Variants in DYNC2H1 observed in about 807,000 individuals in gnomAD.
DYNC2H1 encodes dynein cytoplasmic 2 heavy chain 1, also known as cytoplasmic dynein 2 heavy chain 1.
DYNC2H1 carries 410 observed loss-of-function variants against 570.0 expected under a neutral mutation model. The ratio of observed to expected loss-of-function variants is 0.72; its 90% CI spans 0.66 to 0.78. The LOEUF is 0.78. Among genes scored for constraint, DYNC2H1 ranks in the 30% least tolerant of loss-of-function variants. The pLI, the probability that DYNC2H1 is intolerant of heterozygous loss-of-function variation, is 0.00. For synonymous variants in DYNC2H1, 1,688 were observed against 1,677.6 expected (o/e 1.01, Z -0.15); for missense variants, 4,865 against 5,046.4 (o/e 0.96, Z 1.09).
At chr11:103,232,311 G>T (rs1333250839) in intron 60 of DYNC2H1, among the ~76,000 whole-genome samples, 1 of 151,772 alleles carries the variant, frequency 6.6e-6, no homozygotes, top group African/African-American at 2.4e-5. Flanking sequence ...GATTAGGAAG[G>T]TTAAAATTAT....
chr11:103,462,634 G>A (rs1945056211), intron 87 of DYNC2H1, among the ~76,000 whole-genome samples: 1 of 151,980 alleles, frequency 6.6e-6, no homozygotes, highest in African/African-American at 2.4e-5. Flanking sequence ...TACATTTTTT[G>A]TTGAAAATAA....
At chr11:103,443,945 A>T (rs1426961936) in intron 85 of DYNC2H1, among the ~76,000 whole-genome samples, 1 of 151,784 alleles carries the variant, frequency 6.6e-6, no homozygotes. Flanking sequence ...TTTCCACATA[A>T]CTCTTCCTCT....
Position 103,228,896 on chromosome 11 carries a change from TG to T in DYNC2H1, c.9354-2360del, listed in dbSNP as rs1334947871. 3.3e-5 allele frequency among the ~76,000 whole-genome samples: 5 copies of T among 152,024 alleles called. No individual in the cohort carries two copies. Among genetic ancestry groups the T allele is most frequent in the African/African-American group, 7.2e-5 (3 of 41,402 alleles). Reference sequence around the variant, plus strand: ...TATCTGAGCTCAGCCTCTCCTTTGGTGGGGCTTGTTGTGGCTGCTGTGGGGG... The same window carrying T: ...TATCTGAGCTCAGCCTCTCCTTTGGTGGGCTTGTTGTGGCTGCTGTGGGGG... On this transcript the variant is annotated intron_variant, in intron 59 of 88. Coordinates refer to ENST00000375735, the MANE Select transcript of DYNC2H1 (RefSeq NM_001377.3). This position sits in a 1 kb window ranked among gnomAD's most constrained non-coding sequence, Gnocchi z 6.1.
At position 103,121,418 on chromosome 11, in the gene DYNC2H1, T is replaced by G; in HGVS notation, c.1407T>G (p.Asp469Glu). The G allele has an allele frequency of 1.9e-6, 3 of 1,613,250 alleles. 1 individual carries two copies. In the South Asian group the frequency reaches 3.3e-5, roughly 18 times the overall value. Residue 469 changes from aspartate (D) to glutamate (E), a missense_variant, in exon 10 of 89, where the codon GAT becomes GAG. Physicochemically the swap from Asp to Glu is conservative, Grantham distance 45. Coordinates refer to ENST00000375735, the MANE Select transcript of DYNC2H1 (RefSeq NM_001377.3). ...ATCGGTGCCGAGGAATTCCTGGTGA[T>G]GCATCTGGACCACTTTCTGGCAAAA... ...FENRCRGIPG[D>E]ASGPLSGKNL...
intron 85 of DYNC2H1, among the ~76,000 whole-genome samples, chr11:103,453,530 A>AT (rs1944679363): frequency 6.6e-6 from 1 of 151,224 alleles, no homozygotes; most frequent in Non-Finnish European, 1.5e-5. Flanking sequence ...GATTAATAAC[A>AT]TTTTTACTAA....
intron 78 of DYNC2H1, among the ~76,000 whole-genome samples, chr11:103,308,325 A>G (rs1867401440): frequency 6.6e-6 from 1 of 152,188 alleles, no homozygotes; most frequent in Non-Finnish European, 1.5e-5. Context: ...ATGTTTTAGC[A>G]TGTGGCAGGA....
At chr11:103,310,114 T>C (rs1867507495) in intron 78 of DYNC2H1, among the ~76,000 whole-genome samples, 2 of 152,128 alleles carry the variant, frequency 1.3e-5, no homozygotes, top group Non-Finnish European at 2.9e-5. Context: ...CATTATTTTT[T>C]TCCTTTTTCG....
chr11:103,375,385 T>A (rs909709559), intron 83 of DYNC2H1, among the ~76,000 whole-genome samples: 4 of 152,054 alleles, frequency 2.6e-5, no homozygotes, highest in East Asian at 1.9e-4. Flanking sequence ...CACTGCCTAG[T>A]GGAGCTGTGA....
intron 84 of DYNC2H1, among the ~76,000 whole-genome samples, chr11:103,428,626 A>C (rs1177310153): frequency 6.6e-6 from 1 of 152,102 alleles, no homozygotes; most frequent in Non-Finnish European, 1.5e-5. Flanking sequence ...GTCCTATTAA[A>C]CAACAGCTCC....
intron 65 of DYNC2H1, among the ~76,000 whole-genome samples, chr11:103,251,947 G>T (rs1353910437): frequency 1.3e-5 from 2 of 151,730 alleles, no homozygotes; most frequent in South Asian, 2.1e-4. Flanking sequence ...TTAGAACAGG[G>T]TCTGACTCTG....
chr11:103,209,902 A>T lies in DYNC2H1; in HGVS notation c.8481A>T (p.Thr2827=). The T allele has an allele frequency of 1.9e-5, 29 of 1,495,544 alleles. No homozygotes were observed. Among genetic ancestry groups the T allele is most frequent in the Non-Finnish European group, 2.5e-5 (28 of 1,118,660 alleles). 92.6% of individuals were successfully genotyped at this position (1,495,544 alleles called of 1,614,324 possible). A position where few individuals can be genotyped will look rare whatever the true frequency, so the allele number is the denominator to read the frequency against. Residue 2827 remains threonine (T), a synonymous_variant, in exon 53 of 89, where the codon ACA becomes ACT. Coordinates refer to ENST00000375735, the MANE Select transcript of DYNC2H1 (RefSeq NM_001377.3). This position sits in a 1 kb window ranked among gnomAD's most constrained non-coding sequence, Gnocchi z 4.2. ...KKIPEMLFSE[T]GGGEKYNDKK... is the part of the protein sequence containing the mutation. ...TACCTGAAATGTTATTCAGTGAAAC[A>T]GGTGGTGGAGAAAAATACAATGATA...
rs959418361 is a variant in DYNC2H1 at position 103,223,989 on chromosome 11, G to A, written c.9353+903G>A. Among the ~76,000 whole-genome samples, 6 of 150,708 alleles carry A rather than the reference G, an allele frequency of 4.0e-5. No homozygotes were observed. In the East Asian group the frequency reaches 9.9e-4, roughly 25 times the overall value. Reference sequence around the variant, plus strand: ...TCTCGATCTCCTGACCTAGTGATCCGCCCACCTCCGCCTCCCAAAGTGCTG... The same window carrying A: ...TCTCGATCTCCTGACCTAGTGATCCACCCACCTCCGCCTCCCAAAGTGCTG... On this transcript the variant is annotated intron_variant, in intron 59 of 88. Coordinates refer to ENST00000375735, the MANE Select transcript of DYNC2H1 (RefSeq NM_001377.3).
intron 83 of DYNC2H1, among the ~76,000 whole-genome samples, chr11:103,387,107 A>G (rs954486913): frequency 1.1e-4 from 17 of 152,308 alleles, no homozygotes; most frequent in Admixed American, 3.9e-4. Flanking sequence ...ACTAGTTTAC[A>G]GTCCCACCAA....
chr11:103,267,801 C>A (rs970660127), intron 70 of DYNC2H1, among the ~76,000 whole-genome samples: 6 of 151,868 alleles, frequency 4.0e-5, no homozygotes, highest in Non-Finnish European at 8.8e-5. Context: ...TCTTTATATT[C>A]ATAAGTACAA....
chr11:103,313,682 C>T (rs1012527355), intron 79 of DYNC2H1, among the ~76,000 whole-genome samples: 4 of 152,084 alleles, frequency 2.6e-5, no homozygotes, highest in South Asian at 2.1e-4. Context: ...AACTGTAGAA[C>T]GAGAGTAACA....
chr11:103,141,491 A>G (rs886546248), intron 17 of DYNC2H1, among the ~76,000 whole-genome samples: 2 of 152,190 alleles, frequency 1.3e-5, no homozygotes, highest in African/African-American at 2.4e-5. Flanking sequence ...TTGCCTGGGT[A>G]TCAGCAGCGG....
At position 103,186,436 on chromosome 11, in the gene DYNC2H1, A is replaced by C. The variant is rs1427016050; in HGVS notation, c.6828A>C (p.Lys2276Asn). The change falls in exon 42 of 89, where the codon AAA becomes AAC. Residue 2276 changes from lysine to asparagine, a missense_variant. Transcript: ENST00000375735. This position sits in a 1 kb window ranked among gnomAD's most constrained non-coding sequence, Gnocchi z 4.5. ...TGCAACGAGGTCTAGATTATTTCAA[A>C]CCATGGTTAAGTTCTGATACTAAAC... Reference protein sequence around the residue: ...PDMQRGLDYFKPWLSSDTKQP... With the variant: ...PDMQRGLDYFNPWLSSDTKQP... The C allele has an allele frequency of 7.4e-6, 12 of 1,612,622 alleles. No individual in the cohort carries two copies. Among genetic ancestry groups the C allele is most frequent in the Non-Finnish European group, 9.3e-6 (11 of 1,179,148 alleles).
At chr11:103,112,697 G>A (rs1858171801) in intron 1 of DYNC2H1, among the ~76,000 whole-genome samples, 1 of 152,136 alleles carries the variant, frequency 6.6e-6, no homozygotes, top group African/African-American at 2.4e-5. Context: ...GAAATAAGTG[G>A]CATGAGACCC....
intron 83 of DYNC2H1, among the ~76,000 whole-genome samples, chr11:103,387,538 G>T (rs1215760342): frequency 3.3e-5 from 5 of 152,114 alleles, no homozygotes; most frequent in African/African-American, 4.8e-5. Context: ...GGCTTTTGTT[G>T]CCATTGCTTT....
Sources: gnomAD v4.1 joint callset for allele counts (sites outside exome capture counted in the v4.1 genomes callset) on GRCh38, gnomAD v4.1.1 for gene constraint, Gnocchi (gnomAD v3.1) non-coding constraint, MANE v1.5 for transcripts, NCBI Gene and HGNC (gene_info 2026-07-23, HGNC 2026-07-21) for gene names.